Variants in SLC25A40 observed in about 807,000 individuals in gnomAD.
The protein encoded by SLC25A40 is solute carrier family 25 member 40.
In SLC25A40, 41 loss-of-function variants were observed where a neutral mutation model predicts 46.5. The observed-to-expected ratio is 0.88, with a 90% CI of 0.69 to 1.14. The LOEUF (loss-of-function observed/expected upper bound fraction) is 1.14. SLC25A40 is among the 50% of genes most tolerant of loss of function. The probability of loss-of-function intolerance (pLI) is 0.00; values close to 1 mark genes in which losing one functional copy is unlikely to be tolerated. For synonymous variants in SLC25A40, 126 were observed against 127.5 expected, an observed-to-expected ratio of 0.99 and a Z score of 0.08; for missense variants, 386 against 393.6, an observed-to-expected ratio of 0.98 and a Z score of 0.16.
chr7:87,854,307 T>C lies in SLC25A40; in HGVS notation c.161A>G (p.Lys54Arg). The change falls in exon 5 of 12, where the codon AAA becomes AGA. Residue 54 changes from lysine (K) to arginine (R), a missense_variant. By Grantham distance (26) the Lys-to-Arg change is conservative. Transcript: ENST00000341119. ...GAGTCCATTACTATATACAAAACAT[T>C]TTCCTAACAAAGAAGATTCCAACAA... is the stretch of plus-strand genomic sequence containing the variant. ...QAQNNPLPKG[K>R]CFVYSNGLMD... The C allele has an allele frequency of 6.3e-7, 1 of 1,589,376 alleles. No individual in the cohort carries two copies. Among genetic ancestry groups the C allele is most frequent in the Non-Finnish European group, 8.6e-7 (1 of 1,165,298 alleles).
At chr7:87,866,788 C>T (rs1287791611) in intron 1 of SLC25A40, among the ~76,000 whole-genome samples, 1 of 152,242 alleles carries the variant, frequency 6.6e-6, no homozygotes, top group Non-Finnish European at 1.5e-5. Context: ...TTTAGACACA[C>T]ACCTTTACTC....
chr7:87,841,598 G>T, intron 10 of SLC25A40, 35 bp downstream of exon 10: 1 of 1,265,742 alleles, frequency 7.9e-7, no homozygotes. Flanking sequence ...AACAAAAATG[G>T]CATCTTAAAA....
At chr7:87,850,354 G>C (rs956727052) in intron 5 of SLC25A40, among the ~76,000 whole-genome samples, 5 of 152,190 alleles carry the variant, frequency 3.3e-5, no homozygotes, top group Admixed American at 3.3e-4. Context: ...CAGAGCTGAA[G>C]AGAAGTCTTC....
chr7:87,858,610 A>C (rs1838650013), intron 3 of SLC25A40, 21 bp downstream of exon 3: 1 of 1,295,710 alleles, frequency 7.7e-7, no homozygotes, highest in African/African-American at 1.5e-5. Flanking sequence ...TACATAATCT[A>C]CATCAGTAAC....
At chr7:87,850,620 T>G (rs1838492852) in intron 5 of SLC25A40, among the ~76,000 whole-genome samples, 1 of 151,824 alleles carries the variant, frequency 6.6e-6, no homozygotes, top group Non-Finnish European at 1.5e-5. Flanking sequence ...GCTAAAAAAT[T>G]TGCTGGGCAT....
intron 1 of SLC25A40, among the ~76,000 whole-genome samples, chr7:87,863,281 G>A (rs571598264): frequency 6.6e-6 from 1 of 152,152 alleles, no homozygotes; most frequent in South Asian, 2.1e-4. Context: ...GTCATGAGAG[G>A]GACCCAGTGA....
At chr7:87,853,795 C>T (rs1015421648) in intron 5 of SLC25A40, among the ~76,000 whole-genome samples, 1 of 151,968 alleles carries the variant, frequency 6.6e-6, no homozygotes, top group Non-Finnish European at 1.5e-5. Context: ...GAGAACACAA[C>T]GGAAATGGGT....
intron 1 of SLC25A40, among the ~76,000 whole-genome samples, chr7:87,872,464 T>TA (rs1483388165): frequency 6.6e-6 from 1 of 151,892 alleles, no homozygotes; most frequent in Non-Finnish European, 1.5e-5. Flanking sequence ...AAAAAATAAA[T>TA]AAACGTCCAG....
intron 1 of SLC25A40, among the ~76,000 whole-genome samples, chr7:87,866,516 A>G (rs969384233): frequency 6.6e-6 from 1 of 152,180 alleles, no homozygotes; most frequent in African/African-American, 2.4e-5. Flanking sequence ...TGCTGTGGGA[A>G]AGACAGTTTC....
chr7:87,848,943 G>A (rs1838464449), intron 6 of SLC25A40, among the ~76,000 whole-genome samples: 1 of 152,136 alleles, frequency 6.6e-6, no homozygotes, highest in Non-Finnish European at 1.5e-5. Flanking sequence ...GCCTCAAATT[G>A]ACTAATTTCC....
intron 1 of SLC25A40, among the ~76,000 whole-genome samples, chr7:87,864,085 T>G (rs974166160): frequency 2.0e-5 from 3 of 152,248 alleles, no homozygotes; most frequent in Non-Finnish European, 4.4e-5. Context: ...TAGGGCTGTG[T>G]AGTTTAACTC....
chr7:87,856,565 T>C (rs979352561), intron 3 of SLC25A40, among the ~76,000 whole-genome samples: 1 of 152,154 alleles, frequency 6.6e-6, no homozygotes, highest in Non-Finnish European at 1.5e-5. Flanking sequence ...ACTTCTCTCA[T>C]GAGTACTAAA....
intron 9 of SLC25A40, 62 bp from the exon 10 acceptor site, chr7:87,841,776 A>G: frequency 3.1e-6 from 3 of 981,110 alleles, no homozygotes; most frequent in Non-Finnish European, 4.4e-6. Context: ...AAATATTTTT[A>G]CATTCTTCTT....
At position 87,865,185 on chromosome 7, in the gene SLC25A40, T is replaced by C. The variant is rs552334022; in HGVS notation, c.-93-4545A>G. Among the ~76,000 whole-genome samples, 4 of 152,272 alleles carry C rather than the reference T, an allele frequency of 2.6e-5. No homozygotes were observed. In the East Asian group the frequency reaches 7.7e-4, roughly 29 times the overall value. On this transcript the variant is annotated intron_variant, in intron 1 of 11. Transcript: ENST00000341119. ...TTTTAGTGTATCTACAATAAGTTTT[T>C]CCATTGTGGTTGGCATGAATTTTAA...
chr7:87,859,494 T>C (rs1562747860), intron 2 of SLC25A40, among the ~76,000 whole-genome samples: 1 of 152,184 alleles, frequency 6.6e-6, no homozygotes, highest in East Asian at 1.9e-4. Context: ...TCTTTCCAAA[T>C]GTCTATGAAC....
At chr7:87,873,054 T>C (rs1838919261) in intron 1 of SLC25A40, among the ~76,000 whole-genome samples, 1 of 152,106 alleles carries the variant, frequency 6.6e-6, no homozygotes, top group African/African-American at 2.4e-5. Context: ...GACTATGAAA[T>C]GTGAAAATTA....
At chr7:87,874,487 T>C (rs1216908528) in intron 1 of SLC25A40, among the ~76,000 whole-genome samples, 3 of 152,224 alleles carry the variant, frequency 2.0e-5, no homozygotes, top group Non-Finnish European at 4.4e-5. Context: ...AATTTTTATC[T>C]AGTACTGTAC....
intron 1 of SLC25A40, among the ~76,000 whole-genome samples, chr7:87,862,929 T>C (rs1408575174): frequency 2.0e-5 from 3 of 152,064 alleles, no homozygotes; most frequent in Admixed American, 1.3e-4. Flanking sequence ...CATGATTCAA[T>C]TACCTCCCAC....
rs972874906 is a variant in SLC25A40 at position 87,833,909 on chromosome 7, AAT to A, written c.*2338_*2339del. 43 of 151,982 alleles carry A rather than the reference AAT, an allele frequency of 2.8e-4. No individual in the cohort carries two copies. The highest frequency in any genetic ancestry group is 9.4e-4 in the African/African-American group (39 of 41,506). 9.4% of individuals were successfully genotyped at this position (151,982 alleles called of 1,614,324 possible). ...CATATGCAGTTAAATAACCATAATGAATAGTTTTCCTAGAAAAAAAAATATTG... is the reference window on the plus strand; with the variant it reads ...CATATGCAGTTAAATAACCATAATGAAGTTTTCCTAGAAAAAAAAATATTG... On this transcript the variant is annotated 3_prime_UTR_variant, in exon 12 of 12. Transcript: ENST00000341119.
Sources: gnomAD v4.1 joint callset for allele counts (sites outside exome capture counted in the v4.1 genomes callset) on GRCh38, gnomAD v4.1.1 for gene constraint, MANE v1.5 for transcripts, NCBI Gene and HGNC (gene_info 2026-07-23, HGNC 2026-07-21) for gene names.